Variants in FLYWCH2 observed in about 807,000 individuals in gnomAD.
FLYWCH2 encodes FLYWCH family member 2.
A neutral mutation model predicts 6.0 loss-of-function variants in FLYWCH2; 2 were observed. The ratio of observed to expected loss-of-function variants is 0.33; its 90% CI spans 0.14 to 1.04. The LOEUF (loss-of-function observed/expected upper bound fraction) is 1.04, where lower values mean the gene tolerates loss of function less well. FLYWCH2 is among the 50% of genes least tolerant of loss of function. The pLI, the probability that FLYWCH2 is intolerant of heterozygous loss-of-function variation, is 0.45. For synonymous variants in FLYWCH2, 87 were observed against 79.3 expected (o/e 1.10, Z -0.52); for missense variants, 192 against 183.4 (o/e 1.05, Z -0.27).
At chr16:2,898,853 C>T in intron 3 of FLYWCH2, 196 bp from the exon 4 acceptor site, 1 of 471,258 alleles carries the variant, frequency 2.1e-6, no homozygotes, top group Non-Finnish European at 3.7e-6. Flanking sequence ...ATGACTTTAG[C>T]AGCTTTTGTG....
chr16:2,897,027 C>G, intron 3 of FLYWCH2: 1 of 563,480 alleles, frequency 1.8e-6, no homozygotes. Context: ...GGCTCCTTCA[C>G]AAGGGAGGGT....
At chr16:2,888,966 T>C (rs963164469) in intron 1 of FLYWCH2, among the ~76,000 whole-genome samples, 3 of 152,098 alleles carry the variant, frequency 2.0e-5, no homozygotes, top group African/African-American at 7.3e-5. Context: ...AAAAGAAATA[T>C]TTGTCATTTT....
rs1384132538 is a variant in FLYWCH2, at chr16:2,896,778, C to T, written c.322+7C>T. ...CGGAGCAGGCAGGACCCAGGTGAGG[C>T]TCCACAGCGGCCCCCCAGGACAGCT... On this transcript the variant is annotated splice_region_variant and intron_variant, in intron 3 of 3. Transcript: ENST00000396958. The T allele has an allele frequency of 1.9e-6, 3 of 1,606,632 alleles. No individual in the cohort carries two copies. The highest frequency in any genetic ancestry group is 1.1e-5 in the South Asian group (1 of 90,894).
intron 1 of FLYWCH2, among the ~76,000 whole-genome samples, 161 bp from the exon 2 acceptor site, chr16:2,895,059 A>G (rs544052780): frequency 6.6e-6 from 1 of 152,170 alleles, no homozygotes; most frequent in South Asian, 2.1e-4. Flanking sequence ...GTAAGCTGGG[A>G]AAGACCCCAT....
chr16:2,893,472 A>G (rs1315516552), intron 1 of FLYWCH2, among the ~76,000 whole-genome samples: 1 of 152,140 alleles, frequency 6.6e-6, no homozygotes, highest in Non-Finnish European at 1.5e-5. Context: ...CAATTTACGT[A>G]TTTCACGATT....
intron 1 of FLYWCH2, among the ~76,000 whole-genome samples, chr16:2,888,059 AGTGTAGTGGCGT>A (rs1567303101): frequency 9.2e-5 from 14 of 151,722 alleles, no homozygotes; most frequent in Non-Finnish European, 1.9e-4. Context: ...CCCAGGCTGG[AGTGTAGTGGCGT>A]GATCTCGGCT....
At chr16:2,893,287 C>T (rs1041936857) in intron 1 of FLYWCH2, among the ~76,000 whole-genome samples, 1 of 152,168 alleles carries the variant, frequency 6.6e-6, no homozygotes, top group African/African-American at 2.4e-5. Context: ...CCCTCTAACC[C>T]TGCCTTGGTC....
Position 2,899,089 on chromosome 16 carries a change from T to G in FLYWCH2, c.363T>G (p.Pro121=). ...AAGACAGTGGATTAGCAGCGGGGCCTCCTGAGGCTGCTGGGGAGAACTTTG... is the reference window on the plus strand; with the variant it reads ...AAGACAGTGGATTAGCAGCGGGGCCGCCTGAGGCTGCTGGGGAGAACTTTG... ...RTEDSGLAAG[P]PEAAGENFAP... is the part of the protein sequence containing the mutation. Residue 121 remains proline, a synonymous_variant, in exon 4 of 4, where the codon CCT becomes CCG. Transcript: ENST00000396958. 1 of 1,613,750 alleles carries G rather than the reference T, an allele frequency of 6.2e-7. No homozygotes were observed. The highest frequency in any genetic ancestry group is 8.5e-7 in the Non-Finnish European group (1 of 1,179,858).
intron 3 of FLYWCH2, 53 bp from the exon 4 acceptor site, chr16:2,898,996 T>A: frequency 6.8e-7 from 1 of 1,470,420 alleles, no homozygotes; most frequent in Non-Finnish European, 9.3e-7. Context: ...ACAGCCAAGC[T>A]GAGCCCTCCC....
chr16:2,889,304 A>G lies in FLYWCH2; in HGVS notation c.-199-5916A>G, dbSNP rs560334107. On this transcript the variant is annotated intron_variant, in intron 1 of 3. Coordinates refer to ENST00000396958, the MANE Select transcript of FLYWCH2 (RefSeq NM_138439.3). ...TGGCTCACTGCAAGCTCTGCCTCCC[A>G]GGTTCACGCCATTCTCCTGCCTCAG... Among the ~76,000 whole-genome samples the G allele has an allele frequency of 8.3e-5, 12 of 144,754 alleles. No individual in the cohort carries two copies. In the East Asian group the frequency reaches 1.6e-3, roughly 19 times the overall value. The allele number at this position is 144,754 out of a possible 152,430, so 95.0% of individuals were successfully genotyped here.
intron 1 of FLYWCH2, among the ~76,000 whole-genome samples, chr16:2,886,028 C>T (rs1235586496): frequency 6.6e-6 from 1 of 152,104 alleles, no homozygotes; most frequent in Non-Finnish European, 1.5e-5. Flanking sequence ...TTATTATGTC[C>T]ATCCTGGTGG....
Position 2,899,268 on chromosome 16 carries a change from C to CTTTTTTT in FLYWCH2, c.*130_*136dup, listed in dbSNP as rs76446842. ...CTTTTAACATTGTGTGATTTCTTTT[C>CTTTTTTT]TTTTTTTTTTTTTTTTTAGATCAAG... On this transcript the variant is annotated 3_prime_UTR_variant, in exon 4 of 4. Transcript: ENST00000396958. The CTTTTTTT allele has an allele frequency of 1.9e-5, 8 of 424,864 alleles. No homozygotes were observed. The highest frequency in any genetic ancestry group is 4.7e-5 in the Admixed American group (1 of 21,312). 26.3% of individuals were successfully genotyped at this position (424,864 alleles called of 1,614,324 possible).
intron 1 of FLYWCH2, among the ~76,000 whole-genome samples, chr16:2,886,558 G>C (rs1432936982): frequency 5.2e-5 from 4 of 77,270 alleles, no homozygotes; most frequent in African/African-American, 2.3e-4. Flanking sequence ...TTTTGCTCTT[G>C]TTGTCCCGGC....
intron 1 of FLYWCH2, among the ~76,000 whole-genome samples, chr16:2,884,613 G>A (rs921149643): frequency 6.7e-6 from 1 of 149,148 alleles, no homozygotes; most frequent in Non-Finnish European, 1.5e-5. Flanking sequence ...GGTGGCTCAC[G>A]CCTGTAATCC....
chr16:2,890,823 C>A (rs932440086), intron 1 of FLYWCH2, among the ~76,000 whole-genome samples: 1 of 152,108 alleles, frequency 6.6e-6, no homozygotes, highest in Non-Finnish European at 1.5e-5. Context: ...CACCTCAACC[C>A]CCCAGAGTTC....
At chr16:2,898,196 G>C (rs139329531) in intron 3 of FLYWCH2, among the ~76,000 whole-genome samples, 1 of 152,182 alleles carries the variant, frequency 6.6e-6, no homozygotes, top group Non-Finnish European at 1.5e-5. Flanking sequence ...GCAGCCACAG[G>C]CTTGGAGCTT....
intron 1 of FLYWCH2, among the ~76,000 whole-genome samples, chr16:2,889,847 G>A (rs1022154162): frequency 6.6e-6 from 1 of 152,202 alleles, no homozygotes; most frequent in Admixed American, 6.5e-5. Context: ...AACTTTGGGA[G>A]GCCAAGGCAA....
At chr16:2,886,543 G>T (rs867656812) in intron 1 of FLYWCH2, among the ~76,000 whole-genome samples, 2 of 112,514 alleles carry the variant, frequency 1.8e-5, no homozygotes, top group Non-Finnish European at 3.4e-5. Context: ...TTTTTTTGAG[G>T]CGGATTTTGC....
In FLYWCH2 at chr16:2,896,790, C is replaced by T. The variant is rs1454455309; in HGVS notation, c.322+19C>T. The T allele has an allele frequency of 1.9e-6, 3 of 1,601,948 alleles. No individual in the cohort carries two copies. The highest frequency in any genetic ancestry group is 2.7e-5 in the African/African-American group (2 of 74,826). ...GACCCAGGTGAGGCTCCACAGCGGC[C>T]CCCCAGGACAGCTCGGCACCTCCCA... On this transcript the variant is annotated intron_variant, in intron 3 of 3. Coordinates refer to ENST00000396958, the MANE Select transcript of FLYWCH2 (RefSeq NM_138439.3).
Sources: allele counts gnomAD v4.1 joint callset (sites outside exome capture counted in the v4.1 genomes callset), GRCh38; gene constraint gnomAD v4.1.1; transcripts MANE v1.5; gene names NCBI Gene and HGNC (gene_info 2026-07-23, HGNC 2026-07-21).